Variants in NLRP7 observed in about 807,000 individuals in gnomAD.
NLRP7 encodes NLR family pyrin domain containing 7, also known as NACHT, LRR and PYD domains-containing protein 7.
NLRP7 carries 72 observed loss-of-function variants against 85.5 expected under a neutral mutation model. The observed-to-expected ratio is 0.84, with a 90% CI of 0.70 to 1.02. The LOEUF (loss-of-function observed/expected upper bound fraction) is 1.02. Among genes scored for constraint, NLRP7 ranks in the 50% least tolerant of loss-of-function variants. The pLI is 0.00. For missense variants in NLRP7, 1,243 were observed against 1,219.5 expected (o/e 1.02, Z -0.29); for synonymous variants, 550 against 505.2 (o/e 1.09, Z -1.19).
At chr19:54,949,659 C>G (rs1213869403), upstream of NLRP7, among the ~76,000 whole-genome samples, 1 of 152,018 alleles carries the variant, frequency 6.6e-6, no homozygotes, top group Non-Finnish European at 1.5e-5. Context: ...GCCAAAGAAA[C>G]CGTCAGTGAT....
At chr19:54,949,154 T>C (rs1420819802), upstream of NLRP7, among the ~76,000 whole-genome samples, 1 of 152,020 alleles carries the variant, frequency 6.6e-6, no homozygotes, top group East Asian at 1.9e-4. Flanking sequence ...GGTGTGCACC[T>C]GTAATCCCAG....
intron 6 of NLRP7, among the ~76,000 whole-genome samples, chr19:54,935,783 T>C (rs1323169015): frequency 6.6e-6 from 1 of 151,668 alleles, no homozygotes; most frequent in Non-Finnish European, 1.5e-5. Flanking sequence ...CTGAGATTGA[T>C]GATCCATTCT....
At chr19:54,966,156 T>A (rs1053231246) in exon 1 of NLRP7, 1 of 151,682 alleles carries the variant, frequency 6.6e-6, no homozygotes, top group South Asian at 2.1e-4. Context: ...GTCTGGGCAG[T>A]CCCAGTGTAA....
At chr19:54,941,820 C>T in intron 1 of NLRP7, 70 bp from the exon 2 acceptor site, 1 of 1,156,742 alleles carries the variant, frequency 8.6e-7, no homozygotes, top group Non-Finnish European at 1.2e-6. Context: ...TCCTGTGTGC[C>T]AAGAACAAGA....
chr19:54,944,972 G>A (rs565163857), intron 1 of NLRP7, among the ~76,000 whole-genome samples: 1 of 151,920 alleles, frequency 6.6e-6, no homozygotes, highest in Non-Finnish European at 1.5e-5. Context: ...AGGCACGGTG[G>A]CTCACGCCTG....
chr19:54,927,652 C>G (rs2146151173), intron 9 of NLRP7: 1 of 1,614,182 alleles, frequency 6.2e-7, no homozygotes, highest in East Asian at 2.2e-5. Flanking sequence ...CCCCAAAGAG[C>G]TTAATTATGC....
intron 1 of NLRP7, among the ~76,000 whole-genome samples, chr19:54,942,358 A>G (rs1009250656): frequency 5.3e-5 from 8 of 151,934 alleles, no homozygotes; most frequent in African/African-American, 1.9e-4. Context: ...ATATGTACCT[A>G]TACCAACGTC....
exon 5 of NLRP7, chr19:54,938,188 C>T (rs536060023): frequency 8.7e-6 from 14 of 1,613,922 alleles, no homozygotes; most frequent in African/African-American, 8.0e-5. Context: ...TGTCCAGAGG[C>T]GAAGAGAGCG....
At chr19:54,957,426 G>A (rs552639340) in intron 1 of NLRP7, among the ~76,000 whole-genome samples, 1 of 144,366 alleles carries the variant, frequency 6.9e-6, no homozygotes, top group Admixed American at 7.1e-5. Context: ...GCTCACTGCA[G>A]TTTCCTCCTC....
chr19:54,930,438 G>A, intron 9 of NLRP7, 61 bp downstream of exon 9: 2 of 1,210,974 alleles, frequency 1.7e-6, no homozygotes, highest in Admixed American at 1.7e-5. Context: ...CTCCAGGCTG[G>A]GGGACAGAGC....
intron 9 of NLRP7, among the ~76,000 whole-genome samples, chr19:54,929,130 A>G (rs1223995654): frequency 1.3e-5 from 2 of 152,186 alleles, no homozygotes; most frequent in East Asian, 3.9e-4. Context: ...GCACTTTGGG[A>G]GGTTGAGGCA....
At chr19:54,932,522 A>T (rs2146180457) in intron 8 of NLRP7, among the ~76,000 whole-genome samples, 1 of 152,208 alleles carries the variant, frequency 6.6e-6, no homozygotes. Flanking sequence ...ATATTTTTCT[A>T]ACCATAATTT....
Position 54,933,561 on chromosome 19 carries a change from G to A in NLRP7, c.2642+8C>T. On this transcript the variant is annotated splice_region_variant and intron_variant, in intron 8 of 9. Coordinates refer to ENST00000340844, the Ensembl canonical transcript of NLRP7. ...GTGCACACACACACACACCCAGCAG[G>A]GACTTACACCAAGGTCTGCAGTTTA... The A allele has an allele frequency of 1.2e-6, 2 of 1,613,980 alleles. No homozygotes were observed.
upstream of NLRP7, among the ~76,000 whole-genome samples, chr19:54,951,469 G>A (rs1168469581): frequency 3.3e-5 from 5 of 151,992 alleles, no homozygotes; most frequent in Non-Finnish European, 2.9e-5. Context: ...GTTTGAACCC[G>A]GGAGGCAGAG....
At chr19:54,936,337 T>C (rs1458126243) in exon 6 of NLRP7, 2 of 1,614,116 alleles carry the variant, frequency 1.2e-6, no homozygotes, top group African/African-American at 1.3e-5. Context: ...TCCCACTCGA[T>C]GTGCCCTGCC....
rs775865 is a variant in NLRP7, at chr19:54,923,560, C to G, written c.*180G>C. 5,356 of 710,168 alleles carry G rather than the reference C, an allele frequency of 7.5e-3. 167 individuals carry two copies. In the African/African-American group the frequency reaches 0.078, roughly 10 times the overall value. 44.0% of individuals were successfully genotyped at this position (710,168 alleles called of 1,614,324 possible). A position where few individuals can be genotyped will look rare whatever the true frequency, so the allele number is the denominator to read the frequency against. ...ATCCCTGTGAGAAAGTACATAGCGT[C>G]ATGTGAAGGGGGTGCGTGACTCGTG... On this transcript the variant is annotated 3_prime_UTR_variant, in exon 10 of 10. Transcript: ENST00000340844.
intron 1 of NLRP7, among the ~76,000 whole-genome samples, chr19:54,946,213 ATTT>A (rs71181717): frequency 7.8e-5 from 10 of 127,794 alleles, no homozygotes; most frequent in Non-Finnish European, 8.5e-5. Flanking sequence ...GGCCATTTAC[ATTT>A]TTTTTTTTTT....
chr19:54,946,171 T>C (rs1411546328), intron 1 of NLRP7, among the ~76,000 whole-genome samples: 1 of 151,538 alleles, frequency 6.6e-6, no homozygotes, highest in Non-Finnish European at 1.5e-5. Flanking sequence ...CCTCCCAAAG[T>C]GCTGGGATCA....
chr19:54,937,943 T>C, intron 5 of NLRP7, 101 bp downstream of exon 5: 1 of 625,246 alleles, frequency 1.6e-6, no homozygotes, highest in Non-Finnish European at 2.9e-6. Context: ...AATCCCCAAA[T>C]ACATGGAGAT....
Sources: allele counts gnomAD v4.1 joint callset (sites outside exome capture counted in the v4.1 genomes callset), GRCh38; gene constraint gnomAD v4.1.1; transcripts MANE v1.5; gene names NCBI Gene and HGNC (gene_info 2026-07-23, HGNC 2026-07-21).